The following TTC39B variants were observed in gnomAD, a reference collection of about 807,000 sequenced individuals.
TTC39B encodes the protein tetratricopeptide repeat domain 39B.
TTC39B carries 92 observed loss-of-function variants against 96.6 expected under a neutral mutation model. The observed-to-expected ratio is 0.95, with a 90% CI of 0.80 to 1.13. The LOEUF is 1.13. Among genes scored for constraint, TTC39B ranks in the 50% most tolerant of loss-of-function variants. The pLI is 0.00. For missense variants in TTC39B, 955 were observed against 809.3 expected, an observed-to-expected ratio of 1.18 and a Z score of -2.18; for synonymous variants, 367 against 299.4, an observed-to-expected ratio of 1.23 and a Z score of -2.33.
intron 2 of TTC39B, among the ~76,000 whole-genome samples, chr9:15,243,746 C>T (rs530671167): frequency 1.3e-5 from 2 of 151,996 alleles, no homozygotes; most frequent in South Asian, 2.1e-4. Flanking sequence ...CCCATCTCTA[C>T]AAAAAAATAA....
chr9:15,243,588 T>C (rs2131478462), intron 2 of TTC39B, among the ~76,000 whole-genome samples: 1 of 152,278 alleles, frequency 6.6e-6, no homozygotes, highest in East Asian at 1.9e-4. Flanking sequence ...TGGCTTTAAC[T>C]TCATGTCAAA....
At chr9:15,222,041 A>T (rs1820871580) in intron 3 of TTC39B, among the ~76,000 whole-genome samples, 1 of 152,224 alleles carries the variant, frequency 6.6e-6, no homozygotes. Flanking sequence ...AGAAAGAGTA[A>T]CGTAAGTACA....
chr9:15,256,812 G>T (rs1405911465), intron 2 of TTC39B, among the ~76,000 whole-genome samples: 1 of 152,170 alleles, frequency 6.6e-6, no homozygotes, highest in East Asian at 1.9e-4. Flanking sequence ...TGGCTGGAGG[G>T]TCATGCATGA....
intron 3 of TTC39B, among the ~76,000 whole-genome samples, chr9:15,223,900 C>T (rs1046334669): frequency 6.6e-6 from 1 of 152,048 alleles, no homozygotes; most frequent in East Asian, 1.9e-4. Context: ...GATGCCCACC[C>T]TGTGCTATCA....
intron 2 of TTC39B, among the ~76,000 whole-genome samples, chr9:15,236,406 A>G (rs1821783959): frequency 6.6e-6 from 1 of 152,256 alleles, no homozygotes; most frequent in African/African-American, 2.4e-5. Flanking sequence ...ACATCACTAG[A>G]CAGATCATCG....
At position 15,232,811 on chromosome 9, in the gene TTC39B, G is replaced by A. The variant is rs1416184741; in HGVS notation, c.276-6799C>T. 3.3e-5 allele frequency among the ~76,000 whole-genome samples: 5 copies of A among 152,328 alleles called. No individual in the cohort carries two copies. The East Asian group carries it at 5.8e-4, about 18-fold the overall frequency. ...CCCTCAAACCTTGGCTAACGGCGAC[G>A]TAGCTGGCTTTTTGGAGAGGCCGCC... On this transcript the variant is annotated intron_variant, in intron 2 of 19. Transcript: ENST00000512701.
At chr9:15,296,113 C>G (rs1028213104) in intron 1 of TTC39B, among the ~76,000 whole-genome samples, 6 of 152,150 alleles carry the variant, frequency 3.9e-5, no homozygotes, top group Non-Finnish European at 7.3e-5. Context: ...ACAAAGTGGT[C>G]TGAGAAAACA....
chr9:15,250,409 T>C (rs1456209027), intron 2 of TTC39B, among the ~76,000 whole-genome samples: 1 of 151,326 alleles, frequency 6.6e-6, no homozygotes, highest in Non-Finnish European at 1.5e-5. Context: ...AAAGGGACAA[T>C]TAAGAAAAAA....
intron 2 of TTC39B, among the ~76,000 whole-genome samples, chr9:15,228,374 G>T (rs540861237): frequency 6.6e-6 from 1 of 152,206 alleles, no homozygotes; most frequent in Non-Finnish European, 1.5e-5. Context: ...TGAGACAGGA[G>T]AATTGCTTGA....
chr9:15,166,982 T>C (rs1455489298), exon 20 of TTC39B: 1 of 20,276 alleles, frequency 4.9e-5, no homozygotes, highest in Non-Finnish European at 8.8e-5. Flanking sequence ...AACCTTTATT[T>C]TATATATATA....
At chr9:15,257,217 T>A (rs1017213269) in intron 2 of TTC39B, among the ~76,000 whole-genome samples, 1 of 152,324 alleles carries the variant, frequency 6.6e-6, no homozygotes, top group East Asian at 1.9e-4. Context: ...GATCTTGGTA[T>A]CTGAATGGTA....
In TTC39B at chr9:15,278,216, A is replaced by G. The variant is rs567823211; in HGVS notation, c.241-10268T>C. 2.0e-5 allele frequency among the ~76,000 whole-genome samples: 3 copies of G among 152,360 alleles called. 1 individual carries two copies. In the South Asian group the frequency reaches 6.2e-4, roughly 32 times the overall value. ...TCAGTACTTAAAAGAAAAATCGTGTATATAGTCAATCTTAACATTGAACAA... is the reference window on the plus strand; with the variant it reads ...TCAGTACTTAAAAGAAAAATCGTGTGTATAGTCAATCTTAACATTGAACAA... On this transcript the variant is annotated intron_variant, in intron 1 of 19. Coordinates refer to ENST00000512701, the Ensembl canonical transcript of TTC39B.
intron 2 of TTC39B, among the ~76,000 whole-genome samples, chr9:15,259,250 G>C (rs1465573927): frequency 2.2e-4 from 33 of 152,150 alleles, no homozygotes; most frequent in Admixed American, 2.2e-3. Flanking sequence ...TATGTTCTTA[G>C]GGAGAGGATC....
rs200310557 is a variant in TTC39B, at chr9:15,212,380, C to CAA, written c.483-985_483-984dup. On this transcript the variant is annotated intron_variant, in intron 4 of 19. Coordinates refer to ENST00000512701, the Ensembl canonical transcript of TTC39B. ...TTTAACTGAAAGCTCTTTCAAGAAGCAAAAAAAAAAAAAAAAATGATTCAA... is the reference window on the plus strand; with the variant it reads ...TTTAACTGAAAGCTCTTTCAAGAAGCAAAAAAAAAAAAAAAAAAATGATTCAA... Among the ~76,000 whole-genome samples, 537 of 105,622 alleles carry CAA rather than the reference C, an allele frequency of 5.1e-3. 2 individuals carry two copies. Among genetic ancestry groups the CAA allele is most frequent in the African/African-American group, 8.3e-3 (240 of 28,884 alleles). 69.3% of individuals were successfully genotyped at this position (105,622 alleles called of 152,430 possible). A position where few individuals can be genotyped will look rare whatever the true frequency, so the allele number is the denominator to read the frequency against.
intron 3 of TTC39B, among the ~76,000 whole-genome samples, chr9:15,220,283 C>A (rs772610916): frequency 1.3e-5 from 2 of 152,130 alleles, no homozygotes; most frequent in Non-Finnish European, 2.9e-5. Flanking sequence ...TGTGTGGAGT[C>A]CAGAATCTCA....
At chr9:15,261,227 C>T (rs1209225491) in intron 2 of TTC39B, among the ~76,000 whole-genome samples, 1 of 152,054 alleles carries the variant, frequency 6.6e-6, no homozygotes, top group Non-Finnish European at 1.5e-5. Flanking sequence ...GTCTGTAATC[C>T]CAACACTATG....
intron 1 of TTC39B, among the ~76,000 whole-genome samples, chr9:15,286,064 A>G (rs968896617): frequency 2.6e-5 from 4 of 152,156 alleles, no homozygotes; most frequent in Admixed American, 1.3e-4. Context: ...ACCTCTAAAT[A>G]CTTCAGTGCA....
chr9:15,259,743 T>C (rs907216151), intron 2 of TTC39B, among the ~76,000 whole-genome samples: 5 of 152,220 alleles, frequency 3.3e-5, no homozygotes, highest in Non-Finnish European at 5.9e-5. Flanking sequence ...TTTTTATTTA[T>C]GATGAAGTTA....
At chr9:15,185,224 C>T in intron 16 of TTC39B, 56 bp downstream of exon 16, 3 of 1,548,864 alleles carry the variant, frequency 1.9e-6, no homozygotes, top group South Asian at 1.3e-5. Context: ...ATGCTCCCTG[C>T]TGCTGTGAGT....
Sources: allele counts gnomAD v4.1 joint callset (sites outside exome capture counted in the v4.1 genomes callset), GRCh38; gene constraint gnomAD v4.1.1; transcripts MANE v1.5; gene names NCBI Gene and HGNC (gene_info 2026-07-23, HGNC 2026-07-21).